TTC13: variants seen among roughly 807,000 people sequenced by gnomAD.
The protein encoded by TTC13 is tetratricopeptide repeat protein 13.
TTC13 carries 62 observed loss-of-function variants against 120.0 expected under a neutral mutation model. The ratio of observed to expected loss-of-function variants is 0.52; its 90% CI spans 0.42 to 0.64. The LOEUF (loss-of-function observed/expected upper bound fraction) is 0.64. Ranked by LOEUF, TTC13 falls within the 30% of genes least tolerant of loss-of-function variation. The pLI is 0.00. For synonymous variants in TTC13, 384 were observed against 393.5 expected (o/e 0.98, Z 0.28); for missense variants, 824 against 1,050.2 (o/e 0.78, Z 2.98).
intron 12 of TTC13, among the ~76,000 whole-genome samples, chr1:230,927,035 T>C (rs1381257540): frequency 1.3e-5 from 2 of 152,246 alleles, no homozygotes; most frequent in East Asian, 3.8e-4. Context: ...TTATTCAACA[T>C]TACATTTTAC....
At chr1:230,918,886 G>A (rs1161773674) in intron 17 of TTC13, among the ~76,000 whole-genome samples, 2 of 152,112 alleles carry the variant, frequency 1.3e-5, no homozygotes, top group Non-Finnish European at 2.9e-5. Flanking sequence ...ATCTACTATA[G>A]CTGCAAGGAA....
intron 1 of TTC13, among the ~76,000 whole-genome samples, chr1:230,974,698 C>A (rs1382530008): frequency 6.6e-6 from 1 of 152,046 alleles, no homozygotes; most frequent in Non-Finnish European, 1.5e-5. Context: ...TCTTCCCTCA[C>A]CAAGACACAG....
intron 1 of TTC13, among the ~76,000 whole-genome samples, chr1:230,968,184 T>TGG (rs10587077): frequency 1.5e-3 from 196 of 130,948 alleles, no homozygotes; most frequent in African/African-American, 2.9e-3. Flanking sequence ...CCTATGGTGG[T>TGG]GGGGGGGGGG....
At chr1:230,916,402 A>G in intron 17 of TTC13, 100 bp from the exon 18 acceptor site, 1 of 856,356 alleles carries the variant, frequency 1.2e-6, no homozygotes. Context: ...GTTTTTAAAA[A>G]GGGCCAAGGA....
chr1:230,931,707 T>A (rs1319554765), intron 10 of TTC13, 29 bp downstream of exon 10: 1 of 1,610,950 alleles, frequency 6.2e-7, no homozygotes, highest in Admixed American at 1.7e-5. Context: ...GTAATTCCAA[T>A]TACAGTGTTC....
At chr1:230,947,123 T>C (rs151216156) in intron 4 of TTC13, among the ~76,000 whole-genome samples, 1 of 152,188 alleles carries the variant, frequency 6.6e-6, no homozygotes, top group Non-Finnish European at 1.5e-5. Context: ...AAGTAATACA[T>C]GTTTCCCTGT....
chr1:230,973,720 T>C (rs1677985235), intron 1 of TTC13, among the ~76,000 whole-genome samples: 1 of 152,214 alleles, frequency 6.6e-6, no homozygotes, highest in African/African-American at 2.4e-5. Context: ...TTATACTGTC[T>C]GTAAAGAGTA....
intron 8 of TTC13, among the ~76,000 whole-genome samples, chr1:230,935,969 C>A (rs1356223335): frequency 6.6e-6 from 1 of 151,998 alleles, no homozygotes; most frequent in African/African-American, 2.4e-5. Flanking sequence ...GGGTAGGAAG[C>A]TTTTAAGCTG....
At position 230,978,062 on chromosome 1, in the gene TTC13, T is replaced by C. The variant is rs1678528050; in HGVS notation, c.271+498A>G. ...CCAGGGATCCAATTTTTAGGAACTG[T>C]TGTATACGAGACATTAACCCGGGAG... On this transcript the variant is annotated intron_variant, in intron 1 of 22. Transcript: ENST00000366661. This position sits in a 1 kb window ranked among gnomAD's most constrained non-coding sequence, Gnocchi z 5.6. Among the ~76,000 whole-genome samples, 2 of 152,214 alleles carry C rather than the reference T, an allele frequency of 1.3e-5. No homozygotes were observed. Among genetic ancestry groups the C allele is most frequent in the Non-Finnish European group, 2.9e-5 (2 of 68,030 alleles).
intron 5 of TTC13, among the ~76,000 whole-genome samples, chr1:230,945,137 A>C (rs979634679): frequency 1.3e-5 from 2 of 152,202 alleles, no homozygotes; most frequent in African/African-American, 4.8e-5. Flanking sequence ...ACCATTGAAT[A>C]TCTCTTAGGA....
intron 1 of TTC13, among the ~76,000 whole-genome samples, chr1:230,967,020 T>C (rs1289855888): frequency 2.0e-5 from 3 of 152,188 alleles, no homozygotes; most frequent in African/African-American, 7.2e-5. Context: ...GGTAAATCCT[T>C]TGTCCAACTG....
rs377623363 is a variant in TTC13, at chr1:230,949,794, A to C, written c.514-4340T>G. The stretch of plus-strand genomic sequence containing the variant: ...CTGAGTAGCTGGGACTACAGGCGCC[A>C]GCCACCATGCCCAGCTAATTTTGTT... On this transcript the variant is annotated intron_variant, in intron 4 of 22. Coordinates refer to ENST00000366661, the MANE Select transcript of TTC13 (RefSeq NM_024525.5). Among the ~76,000 whole-genome samples the C allele has an allele frequency of 9.0e-3, 1,377 of 152,184 alleles. 13 individuals carry two copies. Among genetic ancestry groups the C allele is most frequent in the Non-Finnish European group, 0.014 (929 of 67,994 alleles).
chr1:230,934,253 A>C (rs1454290145), intron 8 of TTC13, among the ~76,000 whole-genome samples: 2 of 152,202 alleles, frequency 1.3e-5, no homozygotes, highest in Non-Finnish European at 2.9e-5. Context: ...AATAATTTAA[A>C]ATGATCATAA....
intron 1 of TTC13, among the ~76,000 whole-genome samples, chr1:230,977,971 G>A (rs1257860603): frequency 6.6e-6 from 1 of 152,262 alleles, no homozygotes; most frequent in Non-Finnish European, 1.5e-5. Context: ...ATCGCAGGTT[G>A]ATCTTAAACA....
At position 230,942,611 on chromosome 1, in the gene TTC13, T is replaced by G. The variant is rs1384253078; in HGVS notation, c.672+1195A>C. Among the ~76,000 whole-genome samples the G allele has an allele frequency of 6.6e-6, 1 of 152,214 alleles. No individual in the cohort carries two copies. The highest frequency in any genetic ancestry group is 2.4e-5 in the African/African-American group (1 of 41,472). The stretch of plus-strand genomic sequence containing the variant: ...AGTAATTTTTTCTTTAGTTCAACTA[T>G]GAGATCATATCAGATGATTAAAAGT... On this transcript the variant is annotated intron_variant, in intron 6 of 22. Coordinates refer to ENST00000366661, the MANE Select transcript of TTC13 (RefSeq NM_024525.5). The surrounding 1 kb of genome is among the most constrained non-coding windows in gnomAD (Gnocchi z 4.0).
intron 4 of TTC13, 118 bp downstream of exon 4, chr1:230,954,215 C>A (rs1675841671): frequency 2.9e-6 from 2 of 692,668 alleles, no homozygotes; most frequent in Non-Finnish European, 4.9e-6. Flanking sequence ...ATACCAATTT[C>A]TTTCACTTTC....
intron 12 of TTC13, among the ~76,000 whole-genome samples, chr1:230,927,909 T>C (rs1272577943): frequency 6.6e-6 from 1 of 152,224 alleles, no homozygotes; most frequent in African/African-American, 2.4e-5. Context: ...AATAACTTAA[T>C]TGGCCCACTC....
chr1:230,964,492 G>A (rs1056013075), intron 1 of TTC13, among the ~76,000 whole-genome samples: 1 of 151,906 alleles, frequency 6.6e-6, no homozygotes, highest in Admixed American at 6.6e-5. Flanking sequence ...TTGGTTTATT[G>A]GCCATTTGTA....
chr1:230,924,032 G>C, intron 14 of TTC13, 99 bp from the exon 15 acceptor site: 1 of 820,826 alleles, frequency 1.2e-6, no homozygotes, highest in East Asian at 2.7e-5. Flanking sequence ...GCAACAGCTA[G>C]TCCATCATAT....
Sources: allele counts gnomAD v4.1 joint callset (sites outside exome capture counted in the v4.1 genomes callset), GRCh38; gene constraint gnomAD v4.1.1; non-coding constraint Gnocchi (gnomAD v3.1); transcripts MANE v1.5; gene names NCBI Gene and HGNC (gene_info 2026-07-23, HGNC 2026-07-21).